Variants in PLEKHG1 observed in about 807,000 individuals in gnomAD.
PLEKHG1 encodes pleckstrin homology and RhoGEF domain containing G1.
PLEKHG1 carries 44 observed loss-of-function variants against 100.8 expected under a neutral mutation model. The observed-to-expected ratio is 0.44, with a 90% CI of 0.34 to 0.56. PLEKHG1 has a LOEUF of 0.56. Ranked by LOEUF, PLEKHG1 falls within the 20% of genes least tolerant of loss-of-function variation. The probability of loss-of-function intolerance (pLI) is 0.01; values close to 1 mark genes in which losing one functional copy is unlikely to be tolerated. For synonymous variants in PLEKHG1, 640 were observed against 662.5 expected (o/e 0.97, Z 0.52); for missense variants, 1,545 against 1,720.9 (o/e 0.90, Z 1.81).
At chr6:150,794,418 C>T (rs918568758) in intron 4 of PLEKHG1, among the ~76,000 whole-genome samples, 2 of 152,194 alleles carry the variant, frequency 1.3e-5, no homozygotes, top group Non-Finnish European at 2.9e-5. Flanking sequence ...ATAATCCCAA[C>T]ACTTTGAGAG....
intron 2 of PLEKHG1, among the ~76,000 whole-genome samples, chr6:150,754,671 T>TTC (rs913498696): frequency 2.1e-5 from 3 of 145,520 alleles, no homozygotes; most frequent in African/African-American, 7.5e-5. Context: ...CTTTCTTTCT[T>TTC]TTTTTTTTTT....
exon 16 of PLEKHG1, chr6:150,840,889 T>G: frequency 6.2e-7 from 1 of 1,603,794 alleles, no homozygotes; most frequent in Non-Finnish European, 8.5e-7. Context: ...TCAAGCAGCT[T>G]TGCTTAAGGT....
chr6:150,710,454 G>A (rs763656497), intron 3 of PLEKHG1, among the ~76,000 whole-genome samples: 54 of 152,262 alleles, frequency 3.5e-4, no homozygotes, highest in Non-Finnish European at 6.8e-4. Context: ...TAAGGACCCA[G>A]TCCAAGCGAT....
intron 3 of PLEKHG1, among the ~76,000 whole-genome samples, chr6:150,694,046 T>A (rs1780451449): frequency 6.6e-6 from 1 of 151,938 alleles, no homozygotes; most frequent in South Asian, 2.1e-4. Flanking sequence ...AGGCTTTGAA[T>A]CCTTGACTGT....
At chr6:150,726,658 A>T (rs72570334) in intron 1 of PLEKHG1, among the ~76,000 whole-genome samples, 1 of 151,978 alleles carries the variant, frequency 6.6e-6, no homozygotes, top group Admixed American at 6.6e-5. Context: ...TAACAGGGTA[A>T]CAAGATTTTT....
chr6:150,768,375 G>A (rs577488372), intron 2 of PLEKHG1, among the ~76,000 whole-genome samples: 1 of 152,216 alleles, frequency 6.6e-6, no homozygotes, highest in Non-Finnish European at 1.5e-5. Flanking sequence ...TATGGTCATT[G>A]TAGCCCCATC....
chr6:150,753,104 G>C (rs1783617494), intron 2 of PLEKHG1, among the ~76,000 whole-genome samples: 1 of 152,030 alleles, frequency 6.6e-6, no homozygotes, highest in Non-Finnish European at 1.5e-5. Flanking sequence ...CAGAGCCAGA[G>C]CCTGTCTCAA....
upstream of PLEKHG1, among the ~76,000 whole-genome samples, chr6:150,719,006 G>A (rs141453167): frequency 2.7e-3 from 408 of 152,262 alleles, no homozygotes; most frequent in African/African-American, 9.2e-3. Flanking sequence ...TGCAGTTTAG[G>A]TGCTTTCACT....
chr6:150,734,178 A>G (rs1426498176), intron 2 of PLEKHG1, 86 bp downstream of exon 3: 1 of 1,343,410 alleles, frequency 7.4e-7, no homozygotes. Flanking sequence ...GGTGTAGGGG[A>G]TGTCTTCTAA....
chr6:150,701,492 A>C (rs1202400007), intron 3 of PLEKHG1, among the ~76,000 whole-genome samples: 1 of 128,018 alleles, frequency 7.8e-6, no homozygotes, highest in Non-Finnish European at 1.6e-5. Flanking sequence ...TCTAGGGTAC[A>C]TGTGCACAAT....
intron 3 of PLEKHG1, among the ~76,000 whole-genome samples, chr6:150,709,322 G>A (rs1006956353): frequency 6.6e-6 from 1 of 152,098 alleles, no homozygotes; most frequent in Non-Finnish European, 1.5e-5. Context: ...GCGACAGAGC[G>A]AGACTCCATC....
At chr6:150,818,781 GA>G (rs1285753874) in intron 11 of PLEKHG1, among the ~76,000 whole-genome samples, 1 of 152,158 alleles carries the variant, frequency 6.6e-6, no homozygotes, top group Non-Finnish European at 1.5e-5. Context: ...AGATTAAATA[GA>G]ATAAAAAGAG....
intron 14 of PLEKHG1, among the ~76,000 whole-genome samples, chr6:150,829,855 T>C (rs981300386): frequency 6.6e-6 from 1 of 152,040 alleles, no homozygotes; most frequent in African/African-American, 2.4e-5. Flanking sequence ...CCTTGGAGTG[T>C]GTGGTCGGGT....
chr6:150,749,605 C>G (rs17080241), intron 2 of PLEKHG1, among the ~76,000 whole-genome samples: 15,122 of 151,988 alleles, frequency 0.099, 933 homozygotes, highest in Middle Eastern at 0.2. Flanking sequence ...ATTAAAGGAC[C>G]AGTTGATAGT....
intron 14 of PLEKHG1, among the ~76,000 whole-genome samples, chr6:150,830,035 T>A (rs1776826114): frequency 6.6e-6 from 1 of 152,206 alleles, no homozygotes; most frequent in Non-Finnish European, 1.5e-5. Flanking sequence ...CCAGACTTAC[T>A]TGAAGAATCT....
At chr6:150,734,669 G>C (rs778315749) in intron 2 of PLEKHG1, among the ~76,000 whole-genome samples, 1 of 152,144 alleles carries the variant, frequency 6.6e-6, no homozygotes, top group Non-Finnish European at 1.5e-5. Context: ...TGGTGTTTGG[G>C]GAAAGGATTG....
At position 150,791,427 on chromosome 6, in the gene PLEKHG1, C is replaced by T. The variant is rs571018150; in HGVS notation, c.583-4429C>T. Among the ~76,000 whole-genome samples the T allele has an allele frequency of 3.0e-4, 46 of 152,070 alleles. 1 individual carries two copies. The South Asian group carries it at 8.7e-3, about 29-fold the overall frequency. On this transcript the variant is annotated intron_variant, in intron 4 of 15. Coordinates refer to ENST00000358517, the Ensembl canonical transcript of PLEKHG1. ...CTGTAATCTCAGCACTTTGGGAGGC[C>T]AAGGTGGGTGGATCATTTGAGGCCT...
chr6:150,607,995 A>G (rs1776672927), intron 1 of PLEKHG1, among the ~76,000 whole-genome samples: 1 of 152,076 alleles, frequency 6.6e-6, no homozygotes. Context: ...CCCTTTGACA[A>G]TTGTTTAGAT....
chr6:150,693,990 T>G (rs1780448256), intron 3 of PLEKHG1, among the ~76,000 whole-genome samples: 1 of 152,242 alleles, frequency 6.6e-6, no homozygotes, highest in Admixed American at 6.5e-5. Flanking sequence ...TAGTTATTGC[T>G]TCCCTCATCT....
Sources: allele counts gnomAD v4.1 joint callset (sites outside exome capture counted in the v4.1 genomes callset), GRCh38; gene constraint gnomAD v4.1.1; transcripts MANE v1.5; gene names NCBI Gene and HGNC (gene_info 2026-07-23, HGNC 2026-07-21).